Variants in USP18 observed in about 807,000 individuals in gnomAD.
USP18 encodes the protein ubiquitin specific peptidase 18.
A neutral mutation model predicts 48.7 loss-of-function variants in USP18; 11 were observed. The ratio of observed to expected loss-of-function variants is 0.23; its 90% CI spans 0.14 to 0.37. USP18 has a LOEUF of 0.37. Among genes scored for constraint, USP18 ranks in the 10% least tolerant of loss-of-function variants. The pLI, the probability that USP18 is intolerant of heterozygous loss-of-function variation, is 1.00. For missense variants in USP18, 285 were observed against 436.4 expected (o/e 0.65, Z 3.09); for synonymous variants, 114 against 163.2 (o/e 0.70, Z 2.30).
chr22:18,166,311 T>C (rs1929476766), intron 4 of USP18, among the ~76,000 whole-genome samples: 1 of 152,160 alleles, frequency 6.6e-6, no homozygotes, highest in Admixed American at 6.5e-5. Context: ...TATTGATACT[T>C]TTTATTTGGT....
rs149910916 is a variant in USP18, at chr22:18,172,627, T to G, written c.892-523T>G. 9.5e-3 allele frequency among the ~76,000 whole-genome samples: 1,440 copies of G among 151,306 alleles called. 32 individuals are homozygous for G. The highest frequency in any genetic ancestry group is 0.033 in the African/African-American group (1,366 of 41,316). Reference sequence around the variant, plus strand: ...ATGTTCCTGTAACCCTTTTATTTCTTGTAAACTAATATTTAGATACAGATA... The same window carrying G: ...ATGTTCCTGTAACCCTTTTATTTCTGGTAAACTAATATTTAGATACAGATA... On this transcript the variant is annotated intron_variant, in intron 8 of 10. Coordinates refer to ENST00000215794, the MANE Select transcript of USP18 (RefSeq NM_017414.4).
intron 10 of USP18, among the ~76,000 whole-genome samples, chr22:18,175,014 T>C (rs1051214657): frequency 2.6e-5 from 4 of 151,942 alleles, no homozygotes; most frequent in East Asian, 1.9e-4. Flanking sequence ...CGTGGGTTCA[T>C]GCCATTCTCC....
intron 1 of USP18, among the ~76,000 whole-genome samples, chr22:18,155,800 C>G (rs2123726794): frequency 6.6e-6 from 1 of 152,336 alleles, no homozygotes; most frequent in African/African-American, 2.4e-5. Flanking sequence ...GCGGACCAAG[C>G]CTCCCCGACC....
At chr22:18,159,806 G>C (rs1929275800) in intron 2 of USP18, among the ~76,000 whole-genome samples, 1 of 151,594 alleles carries the variant, frequency 6.6e-6, no homozygotes, top group African/African-American at 2.4e-5. Context: ...CTCCTGAGTA[G>C]CTGGGACTAC....
rs1929527894 is a variant in USP18, at chr22:18,168,023, C to T, written c.614C>T (p.Pro205Leu). 1.9e-6 allele frequency: 3 copies of T among 1,614,160 alleles called. No homozygotes were observed. The highest frequency in any genetic ancestry group is 2.7e-5 in the African/African-American group (2 of 75,040). The change falls in exon 6 of 11, where the codon CCC (proline) becomes CTC (leucine). Residue 205 changes from proline (P) to leucine (L), a missense_variant. Pro to Leu is a moderately conservative substitution (Grantham distance 98). This residue lies in a region of USP18 where 34 missense variants were observed against 94.8 expected (regional missense o/e 0.36). Transcript: ENST00000215794. The part of the protein sequence containing the change: ...PLSLFDVDSK[P>L]LKTLEDALHC... ...TCTCTTTTTGATGTGGACTCAAAGC[C>T]CCTGAAGACACTGGTAAGGGGATTC...
chr22:18,159,546 G>A (rs1929264022), intron 2 of USP18, among the ~76,000 whole-genome samples: 1 of 150,114 alleles, frequency 6.7e-6, no homozygotes, highest in Admixed American at 6.7e-5. Context: ...TGCCCAGGCT[G>A]GAGTGCAGTG....
At chr22:18,155,834 G>T (rs573144707) in intron 1 of USP18, among the ~76,000 whole-genome samples, 1 of 152,228 alleles carries the variant, frequency 6.6e-6, no homozygotes, top group East Asian at 1.9e-4. Flanking sequence ...GCTCCACGCC[G>T]CCGAGTCCCA....
At chr22:18,155,616 G>C (rs1929110769) in intron 1 of USP18, among the ~76,000 whole-genome samples, 1 of 151,744 alleles carries the variant, frequency 6.6e-6, no homozygotes, top group Admixed American at 6.6e-5. Context: ...CCCGCACTCG[G>C]AGCGGCCAGC....
In USP18 at chr22:18,166,200, C is replaced by T. The variant is rs550083713; in HGVS notation, c.401-1055C>T. On this transcript the variant is annotated intron_variant, in intron 4 of 10. Coordinates refer to ENST00000215794, the MANE Select transcript of USP18 (RefSeq NM_017414.4). The stretch of plus-strand genomic sequence containing the variant: ...GTTTATGGATTCTTTCTTTTGCCAG[C>T]TCTAATCTGCTATTGACCTCCTCTA... Among the ~76,000 whole-genome samples, 164 of 152,298 alleles carry T rather than the reference C, an allele frequency of 1.1e-3. 1 individual carries two copies. The highest frequency in any genetic ancestry group is 9.4e-4 in the Non-Finnish European group (64 of 68,026).
Position 18,173,141 on chromosome 22 carries a change from T to C in USP18, c.892-9T>C. The C allele has an allele frequency of 1.9e-6, 3 of 1,574,812 alleles. No homozygotes were observed. The highest frequency in any genetic ancestry group is 2.6e-6 in the Non-Finnish European group (3 of 1,162,930). On this transcript the variant is annotated splice_polypyrimidine_tract_variant and intron_variant, in intron 8 of 10. Transcript: ENST00000215794. ...GTGGGTGAACTGTCTCGTGCCTGTC[T>C]CTTTCCAGTCTGGAGGGCAGTATGA...
chr22:18,154,219 T>C (rs1929069711), intron 1 of USP18, among the ~76,000 whole-genome samples: 1 of 152,000 alleles, frequency 6.6e-6, no homozygotes. Flanking sequence ...CTGAGCAGCA[T>C]GTTAGCTGGA....
At chr22:18,172,684 G>A (rs1392382248) in intron 8 of USP18, among the ~76,000 whole-genome samples, 1 of 151,412 alleles carries the variant, frequency 6.6e-6, no homozygotes, top group Non-Finnish European at 1.5e-5. Flanking sequence ...TCTGCACAAA[G>A]TCTGCAAATG....
intron 1 of USP18, among the ~76,000 whole-genome samples, chr22:18,151,547 A>C (rs568906614): frequency 6.6e-6 from 1 of 152,308 alleles, no homozygotes; most frequent in South Asian, 2.1e-4. Flanking sequence ...CTGTTAAAAA[A>C]TGTGTTGCAC....
chr22:18,159,686 T>G (rs1428918550), intron 2 of USP18, among the ~76,000 whole-genome samples: 1 of 146,160 alleles, frequency 6.8e-6, no homozygotes, highest in Non-Finnish European at 1.5e-5. Context: ...TTTTTTTTTT[T>G]TTTTTTTGAG....
rs543932741 is a variant in USP18 at position 18,175,299 on chromosome 22, C to A, written c.1073+1457C>A. 1.8e-4 allele frequency among the ~76,000 whole-genome samples: 27 copies of A among 152,132 alleles called. No individual in the cohort carries two copies. The South Asian group carries it at 3.3e-3, about 19-fold the overall frequency. ...AGACTTTGTAAGTTTCTTAGCTGAG[C>A]TTTTGGAGACTGTATATCAGAGATC... On this transcript the variant is annotated intron_variant, in intron 10 of 10. Transcript: ENST00000215794.
chr22:18,165,002 G>GC (rs1929438853), intron 4 of USP18, among the ~76,000 whole-genome samples: 1 of 151,042 alleles, frequency 6.6e-6, no homozygotes, highest in African/African-American at 2.4e-5. Context: ...TCTCCCCATT[G>GC]CCCCCTGTGC....
intron 2 of USP18, 151 bp downstream of exon 2, chr22:18,157,971 G>C (rs1333488195): frequency 1.7e-6 from 2 of 1,183,900 alleles, no homozygotes; most frequent in East Asian, 5.0e-5. Flanking sequence ...TACAGCCTGG[G>C]CCATAGTGAA....
intron 6 of USP18, 48 bp from the exon 7 acceptor site, chr22:18,169,796 G>A (rs373000170): frequency 5.8e-6 from 9 of 1,542,924 alleles, no homozygotes; most frequent in East Asian, 4.8e-5. Flanking sequence ...AGTATTCTAG[G>A]TGGGAAATAC....
At chr22:18,160,309 C>A (rs1406657521) in intron 3 of USP18, 41 bp downstream of exon 3, 2 of 1,609,364 alleles carry the variant, frequency 1.2e-6, no homozygotes, top group Admixed American at 3.3e-5. Context: ...TGTATTATTT[C>A]TTTTTCCTTT....
Sources: allele counts gnomAD v4.1 joint callset (sites outside exome capture counted in the v4.1 genomes callset), GRCh38; gene constraint gnomAD v4.1.1; regional missense constraint gnomAD v4.1.1; transcripts MANE v1.5; gene names NCBI Gene and HGNC (gene_info 2026-07-23, HGNC 2026-07-21).